The following ASS1 variants were observed in gnomAD, a reference collection of about 807,000 sequenced individuals.
The protein encoded by ASS1 is argininosuccinate synthase 1, also known as argininosuccinate synthase.
ASS1 carries 58 observed loss-of-function variants against 60.5 expected under a neutral mutation model. That is an observed-to-expected ratio of 0.96 (90% CI 0.78 to 1.19). The LOEUF (loss-of-function observed/expected upper bound fraction) is 1.19, where lower values mean the gene tolerates loss of function less well. Among genes scored for constraint, ASS1 ranks in the 50% most tolerant of loss-of-function variants. The pLI is 0.00. For missense variants in ASS1, 454 were observed against 547.3 expected (o/e 0.83, Z 1.70); for synonymous variants, 200 against 206.9 (o/e 0.97, Z 0.29).
At position 130,479,798 on chromosome 9, in the gene ASS1, C is replaced by T. The variant is rs547904731; in HGVS notation, c.771C>T (p.Val257=). The change falls in exon 10 of 15, where the codon GTC becomes GTT. Residue 257 remains valine (V), a splice_region_variant and synonymous_variant. Coordinates refer to ENST00000352480, the MANE Select transcript of ASS1 (RefSeq NM_054012.4). ...AGCTCTTCATGTACCTGAACGAAGT[C>T]GCGTGAGTGTCTGCAGCCCTGTCCG... ...SLELFMYLNE[V]AGKHGVGRID... The T allele has an allele frequency of 1.3e-5, 21 of 1,613,928 alleles. No individual in the cohort carries two copies. Among genetic ancestry groups the T allele is most frequent in the South Asian group, 1.1e-4 (10 of 91,076 alleles).
chr9:130,470,604 G>A lies in ASS1; in HGVS notation c.496-230G>A, dbSNP rs1376438948. 6.6e-6 allele frequency among the ~76,000 whole-genome samples: 1 copy of A among 152,186 alleles called. No homozygotes were observed. The highest frequency in any genetic ancestry group is 1.5e-5 in the Non-Finnish European group (1 of 68,032). ...ATGTAGACTCAAAGTCTTCTGGAAG[G>A]AACCTCCAAGGTCAGCATTGCAGAC... On this transcript the variant is annotated intron_variant, in intron 6 of 14. Transcript: ENST00000352480. This position sits in a 1 kb window ranked among gnomAD's most constrained non-coding sequence, Gnocchi z 4.3.
chr9:130,467,368 C>T (rs569493363), intron 6 of ASS1, among the ~76,000 whole-genome samples: 2 of 152,326 alleles, frequency 1.3e-5, no homozygotes, highest in East Asian at 1.9e-4. Flanking sequence ...TCCTTAGCCG[C>T]TCCCCAGGGC....
At chr9:130,450,409 T>TTCCTCCCTCCTTCCCTCCATCCTGCATG in intron 1 of ASS1, 1 of 928,952 alleles carries the variant, frequency 1.1e-6, no homozygotes, top group Non-Finnish European at 1.3e-6. Context: ...ATTGCCTGGC[T>TTCCTCCCTCCTTCCCTCCATCCTGCATG]GCAGTTGCCA....
intron 5 of ASS1, 68 bp from the exon 6 acceptor site, chr9:130,466,657 G>A (rs1845749925): frequency 6.7e-7 from 1 of 1,499,692 alleles, no homozygotes. Context: ...GGCCAGCTCT[G>A]CAGCTTACAG....
rs1845538549 is a variant in ASS1 at position 130,459,610 on chromosome 9, T to C, written c.363+1021T>C. On this transcript the variant is annotated intron_variant, in intron 4 of 14. Coordinates refer to ENST00000352480, the MANE Select transcript of ASS1 (RefSeq NM_054012.4). The surrounding 1 kb of genome is among the most constrained non-coding windows in gnomAD (Gnocchi z 4.6). ...CACCACACCCGGCTAATTTTTTGTA[T>C]TTTTAGTAGAGACGGGGTTTCGCCA... Among the ~76,000 whole-genome samples the C allele has an allele frequency of 6.6e-6, 1 of 152,192 alleles. No individual in the cohort carries two copies. The highest frequency in any genetic ancestry group is 1.5e-5 in the Non-Finnish European group (1 of 68,040).
chr9:130,447,765 G>A (rs1358181715), intron 1 of ASS1, among the ~76,000 whole-genome samples: 7 of 152,208 alleles, frequency 4.6e-5, no homozygotes, highest in Non-Finnish European at 1.0e-4. Context: ...GGGAGGGTCA[G>A]AACCCAGAGG....
intron 8 of ASS1, among the ~76,000 whole-genome samples, chr9:130,475,810 G>A (rs933106225): frequency 2.0e-5 from 3 of 150,132 alleles, no homozygotes; most frequent in Admixed American, 6.7e-5. Context: ...AGGCTGGAGT[G>A]CAGTGGTGCA....
intron 4 of ASS1, among the ~76,000 whole-genome samples, chr9:130,462,206 G>T (rs1295322643): frequency 6.6e-6 from 1 of 152,196 alleles, no homozygotes; most frequent in Non-Finnish European, 1.5e-5. Context: ...TCTAGCCGGG[G>T]AGCGAGAGTT....
In ASS1 at chr9:130,494,955, C is replaced by T. The variant is rs759769412; in HGVS notation, c.1059C>T (p.Val353=). The part of the protein sequence containing the change: ...ERVEGKVQVS[V]LKGQVYILGR... ...TGGAAGGGAAAGTGCAGGTGTCCGT[C>T]CTCAAGGGCCAGGTGTACATCCTCG... The change falls in exon 13 of 15, where the codon GTC becomes GTT. Residue 353 remains valine (V), a synonymous_variant. Coordinates refer to ENST00000352480, the MANE Select transcript of ASS1 (RefSeq NM_054012.4). The surrounding 1 kb of genome is among the most constrained non-coding windows in gnomAD (Gnocchi z 4.3). The T allele has an allele frequency of 2.2e-5, 36 of 1,613,642 alleles. No individual in the cohort carries two copies. Among genetic ancestry groups the T allele is most frequent in the Middle Eastern group, 3.4e-4 (2 of 5,962 alleles).
intron 6 of ASS1, among the ~76,000 whole-genome samples, chr9:130,468,252 A>T (rs1466320412): frequency 6.6e-6 from 1 of 152,184 alleles, no homozygotes; most frequent in Admixed American, 6.5e-5. Context: ...TGGGGCTTTC[A>T]AAAATCTCTG....
chr9:130,476,811 G>A lies in ASS1; in HGVS notation c.598-60G>A. On this transcript the variant is annotated intron_variant, in intron 8 of 14. Transcript: ENST00000352480. This position sits in a 1 kb window ranked among gnomAD's most constrained non-coding sequence, Gnocchi z 4.9. ...GGGGTGCAGATCCCCGCGGGAGGTGGGCTGTAGGGTGTCCAGGGACTGGTA... is the reference window on the plus strand; with the variant it reads ...GGGGTGCAGATCCCCGCGGGAGGTGAGCTGTAGGGTGTCCAGGGACTGGTA... 1.4e-6 allele frequency: 2 copies of A among 1,480,330 alleles called. No homozygotes were observed. Among genetic ancestry groups the A allele is most frequent in the Non-Finnish European group, 1.9e-6 (2 of 1,059,830 alleles). The allele number at this position is 1,480,330 out of a possible 1,614,324, so 91.7% of individuals were successfully genotyped here.
intron 4 of ASS1, 117 bp from the exon 5 acceptor site, chr9:130,463,994 T>A: frequency 9.4e-7 from 1 of 1,068,316 alleles, no homozygotes; most frequent in Non-Finnish European, 1.4e-6. Flanking sequence ...ACCTCACATG[T>A]GTACACGCTC....
chr9:130,456,960 G>T (rs1321500644), intron 3 of ASS1, among the ~76,000 whole-genome samples: 1 of 151,964 alleles, frequency 6.6e-6, no homozygotes, highest in Admixed American at 6.6e-5. Flanking sequence ...GAGAGCTTTT[G>T]TGGATTACAT....
At chr9:130,481,943 A>G (rs540041468) in intron 11 of ASS1, among the ~76,000 whole-genome samples, 3 of 152,244 alleles carry the variant, frequency 2.0e-5, no homozygotes, top group African/African-American at 7.2e-5. Context: ...TTAACATGTG[A>G]TTAGATGCCC....
Position 130,491,286 on chromosome 9 carries a change from A to G in ASS1, c.970+1822A>G, listed in dbSNP as rs1422580480. ...GAGGATTTTAGTTACAAAGTGAGAG[A>G]GTCATTAAGACGTGGCGGAGGAGAG... On this transcript the variant is annotated intron_variant, in intron 12 of 14. Coordinates refer to ENST00000352480, the MANE Select transcript of ASS1 (RefSeq NM_054012.4). The surrounding 1 kb of genome is among the most constrained non-coding windows in gnomAD (Gnocchi z 5.3). 1.3e-5 allele frequency among the ~76,000 whole-genome samples: 2 copies of G among 152,074 alleles called. No homozygotes were observed. Among genetic ancestry groups the G allele is most frequent in the African/African-American group, 4.8e-5 (2 of 41,418 alleles).
intron 1 of ASS1, among the ~76,000 whole-genome samples, chr9:130,450,629 C>A (rs1845304907): frequency 6.6e-6 from 1 of 152,238 alleles, no homozygotes. Context: ...TGGGACCGTG[C>A]AGCATGCACG....
chr9:130,452,205 GT>G lies in ASS1; in HGVS notation c.-5-17del, dbSNP rs1364030310. ...TGGCTGTCTCAGGGTCACTCAGGTTGTTCCTCGACTCCCGCCAGACGCTATG... is the reference window on the plus strand; with the variant it reads ...TGGCTGTCTCAGGGTCACTCAGGTTGTCCTCGACTCCCGCCAGACGCTATG... On this transcript the variant is annotated intron_variant, in intron 1 of 14. Coordinates refer to ENST00000352480, the MANE Select transcript of ASS1 (RefSeq NM_054012.4). 5.0e-6 allele frequency: 8 copies of G among 1,610,326 alleles called. No individual in the cohort carries two copies. Among genetic ancestry groups the G allele is most frequent in the Non-Finnish European group, 6.8e-6 (8 of 1,177,686 alleles).
At chr9:130,451,362 T>C (rs1564900676) in intron 1 of ASS1, among the ~76,000 whole-genome samples, 1 of 152,046 alleles carries the variant, frequency 6.6e-6, no homozygotes, top group Non-Finnish European at 1.5e-5. Context: ...GTTGCAGAGG[T>C]CTTAGGCCTC....
chr9:130,453,145 C>T (rs1845362256), intron 2 of ASS1, among the ~76,000 whole-genome samples: 1 of 152,204 alleles, frequency 6.6e-6, no homozygotes, highest in Non-Finnish European at 1.5e-5. Context: ...CATAGCCCAC[C>T]TTTCCCAAAA....
Sources: gnomAD v4.1 joint callset for allele counts (sites outside exome capture counted in the v4.1 genomes callset) on GRCh38, gnomAD v4.1.1 for gene constraint, Gnocchi (gnomAD v3.1) non-coding constraint, MANE v1.5 for transcripts, NCBI Gene and HGNC (gene_info 2026-07-23, HGNC 2026-07-21) for gene names.